Variants in KCNQ1OT1 observed in about 807,000 individuals in gnomAD.
KCNQ1OT1 encodes the protein KCNQ1 opposite strand/antisense transcript 1, also known as KCNQ1 antisense RNA 2 (non-protein coding).
Position 2,642,972 on chromosome 11 carries a change from GCTC to G in KCNQ1OT1, n.57020_57022del, listed in dbSNP as rs1590000376. ...TCCATTTATTTATACAGTTTTGAAT[GCTC>G]CTCTTATTTATTTATAGTTTTATGC... On this transcript the variant is annotated non_coding_transcript_exon_variant, in exon 1 of 1. Transcript: ENST00000597346. This position sits in a 1 kb window ranked among gnomAD's most constrained non-coding sequence, Gnocchi z 4.3. 7.5e-6 allele frequency: 3 copies of G among 397,796 alleles called. No individual in the cohort carries two copies. In the East Asian group the frequency reaches 1.1e-4, roughly 14 times the overall value. 24.6% of individuals were successfully genotyped at this position (397,796 alleles called of 1,614,324 possible).
At chr11:2,680,851 C>G in exon 1 of KCNQ1OT1, 1 of 398,546 alleles carries the variant, frequency 2.5e-6, no homozygotes, top group Non-Finnish European at 4.4e-6. Context: ...TCTTTTCACT[C>G]AGCACAATTC....
Position 2,654,510 on chromosome 11 carries a change from C to G in KCNQ1OT1, n.45485G>C, listed in dbSNP as rs1849807286. The G allele has an allele frequency of 2.5e-6, 1 of 398,594 alleles. No individual in the cohort carries two copies. The highest frequency in any genetic ancestry group is 4.4e-5 in the Admixed American group (1 of 22,710). The allele number at this position is 398,594 out of a possible 1,614,324, so 24.7% of individuals were successfully genotyped here. On this transcript the variant is annotated non_coding_transcript_exon_variant, in exon 1 of 1. Transcript: ENST00000597346. This position sits in a 1 kb window ranked among gnomAD's most constrained non-coding sequence, Gnocchi z 6.4. ...AGGGGAGGGGGCAATCTCCGGAGCC[C>G]TGGAAAGCTTGTGGAAGAGGGCTTG...
exon 1 of KCNQ1OT1, chr11:2,631,918 C>G (rs1024687674): frequency 5.0e-6 from 2 of 397,458 alleles, no homozygotes; most frequent in African/African-American, 4.1e-5. Context: ...CGCAGTGGCT[C>G]ACGCCTGTAA....
exon 1 of KCNQ1OT1, chr11:2,609,713 G>T (rs1332501149): frequency 5.0e-6 from 2 of 398,116 alleles, no homozygotes; most frequent in East Asian, 7.1e-5. Context: ...ATTGTTAGGT[G>T]AATATATGTT....
chr11:2,677,259 TATAAAG>T lies in KCNQ1OT1; in HGVS notation n.22730_22735del. The T allele has an allele frequency of 2.5e-6, 1 of 397,328 alleles. No individual in the cohort carries two copies. The highest frequency in any genetic ancestry group is 4.4e-6 in the Non-Finnish European group (1 of 226,014). 24.6% of individuals were successfully genotyped at this position (397,328 alleles called of 1,614,324 possible). ...AGCACACACAAAGTAAAGAGGAACT[TATAAAG>T]AGGAACTGTAAATCTTGTCAAAATA... On this transcript the variant is annotated non_coding_transcript_exon_variant, in exon 1 of 1. Coordinates refer to ENST00000597346, the Ensembl canonical transcript of KCNQ1OT1. This position sits in a 1 kb window ranked among gnomAD's most constrained non-coding sequence, Gnocchi z 4.5.
chr11:2,685,509 A>T, exon 1 of KCNQ1OT1: 1 of 398,782 alleles, frequency 2.5e-6, no homozygotes, highest in Non-Finnish European at 4.4e-6. Context: ...ACATCCAGAC[A>T]GGAGACGCTA....
exon 1 of KCNQ1OT1, chr11:2,643,878 C>T: frequency 2.5e-6 from 1 of 398,542 alleles, no homozygotes. Flanking sequence ...GTATTCCTGG[C>T]TGGCAGGTTT....
At chr11:2,646,059 C>T (rs1191510753) in exon 1 of KCNQ1OT1, 2 of 398,520 alleles carry the variant, frequency 5.0e-6, no homozygotes, top group Non-Finnish European at 8.8e-6. Flanking sequence ...TCTTCATGAT[C>T]CCAGCCAGTC....
rs952332451 is a variant in KCNQ1OT1, at chr11:2,676,705, G to C, written n.23290C>G. The C allele has an allele frequency of 2.5e-6, 1 of 398,512 alleles. No individual in the cohort carries two copies. Among genetic ancestry groups the C allele is most frequent in the Non-Finnish European group, 4.4e-6 (1 of 226,074 alleles). 24.7% of individuals were successfully genotyped at this position (398,512 alleles called of 1,614,324 possible). ...CACTAACTGGACTACAGCCTGGCAGGAGATAACCAAGTCATATGCATAGTG... is the reference window on the plus strand; with the variant it reads ...CACTAACTGGACTACAGCCTGGCAGCAGATAACCAAGTCATATGCATAGTG... On this transcript the variant is annotated non_coding_transcript_exon_variant, in exon 1 of 1. Transcript: ENST00000597346. This position sits in a 1 kb window ranked among gnomAD's most constrained non-coding sequence, Gnocchi z 4.2.
At chr11:2,667,964 TC>T (rs1356393786) in exon 1 of KCNQ1OT1, 3 of 398,552 alleles carry the variant, frequency 7.5e-6, no homozygotes, top group African/African-American at 6.2e-5. Flanking sequence ...CCAGAAAGCC[TC>T]TCAGGCTCCC....
Position 2,661,615 on chromosome 11 carries a change from C to G in KCNQ1OT1, n.38380G>C, listed in dbSNP as rs763572801. ...CCCTTACCAGGCCTGTGCCTGTCAC[C>G]TCTGTTTTATTCTTGACCCAAGTGT... On this transcript the variant is annotated non_coding_transcript_exon_variant, in exon 1 of 1. Transcript: ENST00000597346. The surrounding 1 kb of genome is among the most constrained non-coding windows in gnomAD (Gnocchi z 5.9). 1 of 583,006 alleles carries G rather than the reference C, an allele frequency of 1.7e-6. No homozygotes were observed. Among genetic ancestry groups the G allele is most frequent in the Non-Finnish European group, 3.1e-6 (1 of 327,366 alleles). The allele number at this position is 583,006 out of a possible 1,614,324, so 36.1% of individuals were successfully genotyped here. A position where few individuals can be genotyped will look rare whatever the true frequency, so the allele number is the denominator to read the frequency against.
chr11:2,648,981 C>CTTTTTTT, exon 1 of KCNQ1OT1: 54 of 213,252 alleles, frequency 2.5e-4, no homozygotes, highest in South Asian at 8.3e-4. Context: ...TTTTCTTTTT[C>CTTTTTTT]TTTTTTTTTT....
At chr11:2,638,861 T>C (rs1160227399) in exon 1 of KCNQ1OT1, 2 of 152,250 alleles carry the variant, frequency 1.3e-5, no homozygotes, top group Non-Finnish European at 2.9e-5. Flanking sequence ...CAGTCAGATG[T>C]AGATTTGGTC....
exon 1 of KCNQ1OT1, chr11:2,692,592 A>G (rs1175856900): frequency 1.5e-5 from 6 of 398,596 alleles, no homozygotes; most frequent in Non-Finnish European, 2.7e-5. Flanking sequence ...ACCCCAGGCT[A>G]GTTCCAGTGG....
At position 2,676,981 on chromosome 11, in the gene KCNQ1OT1, A is replaced by G. The variant is rs115936215; in HGVS notation, n.23014T>C. 267 of 398,616 alleles carry G rather than the reference A, an allele frequency of 6.7e-4. No homozygotes were observed. Among genetic ancestry groups the G allele is most frequent in the African/African-American group, 5.1e-3 (251 of 48,744 alleles). The allele number at this position is 398,616 out of a possible 1,614,324, so 24.7% of individuals were successfully genotyped here. A position where few individuals can be genotyped will look rare whatever the true frequency, so the allele number is the denominator to read the frequency against. ...CATCTAGCAAATCTCCTTTTCATTAACAGCTGCAGAGTTTCATTGTGCCAT... is the reference window on the plus strand; with the variant it reads ...CATCTAGCAAATCTCCTTTTCATTAGCAGCTGCAGAGTTTCATTGTGCCAT... On this transcript the variant is annotated non_coding_transcript_exon_variant, in exon 1 of 1. Transcript: ENST00000597346. This position sits in a 1 kb window ranked among gnomAD's most constrained non-coding sequence, Gnocchi z 4.2.
In KCNQ1OT1 at chr11:2,651,734, C is replaced by T. The variant is rs1310099595; in HGVS notation, n.48261G>A. On this transcript the variant is annotated non_coding_transcript_exon_variant, in exon 1 of 1. Transcript: ENST00000597346. The surrounding 1 kb of genome is among the most constrained non-coding windows in gnomAD (Gnocchi z 6.1). Reference sequence around the variant, plus strand: ...AGTAAGCATCATCCTCATTTCTATACGTTTTCTCTGATTACTGGAAATTCC... The same window carrying T: ...AGTAAGCATCATCCTCATTTCTATATGTTTTCTCTGATTACTGGAAATTCC... 14 of 398,628 alleles carry T rather than the reference C, an allele frequency of 3.5e-5. No homozygotes were observed. Among genetic ancestry groups the T allele is most frequent in the East Asian group, 1.8e-4 (5 of 28,076 alleles). 24.7% of individuals were successfully genotyped at this position (398,628 alleles called of 1,614,324 possible).
rs34219164 is a variant in KCNQ1OT1 at position 2,674,832 on chromosome 11, T to TAAA, written n.25160_25162dup. On this transcript the variant is annotated non_coding_transcript_exon_variant, in exon 1 of 1. Coordinates refer to ENST00000597346, the Ensembl canonical transcript of KCNQ1OT1. This position sits in a 1 kb window ranked among gnomAD's most constrained non-coding sequence, Gnocchi z 5.9. The stretch of plus-strand genomic sequence containing the variant: ...GCTTGTCACCCTAATAGCTGTTTTT[T>TAAA]AAAAAAAAAAAAAAAAAAAAAAAAA... The TAAA allele has an allele frequency of 4.2e-4, 126 of 303,332 alleles. No individual in the cohort carries two copies. Among genetic ancestry groups the TAAA allele is most frequent in the East Asian group, 9.2e-4 (19 of 20,740 alleles). The allele number at this position is 303,332 out of a possible 1,614,324, so 18.8% of individuals were successfully genotyped here. A position where few individuals can be genotyped will look rare whatever the true frequency, so the allele number is the denominator to read the frequency against.
rs376435291 is a variant in KCNQ1OT1 at position 2,639,983 on chromosome 11, C to T, written n.60012G>A. The T allele has an allele frequency of 1.4e-4, 22 of 155,298 alleles. No individual in the cohort carries two copies. In the East Asian group the frequency reaches 2.1e-3, roughly 15 times the overall value. 9.6% of individuals were successfully genotyped at this position (155,298 alleles called of 1,614,324 possible). A position where few individuals can be genotyped will look rare whatever the true frequency, so the allele number is the denominator to read the frequency against. On this transcript the variant is annotated non_coding_transcript_exon_variant, in exon 1 of 1. Coordinates refer to ENST00000597346, the Ensembl canonical transcript of KCNQ1OT1. ...GCTGTGCTAGCAATGAGCGAGGCTC[C>T]ATGGGCGTGGGACCCTCCGAGCCAG...
In KCNQ1OT1 at chr11:2,633,964, CA is replaced by C. The variant is rs1325118883; in HGVS notation, n.66030del. 3.1e-4 allele frequency: 122 copies of C among 398,450 alleles called. No individual in the cohort carries two copies. Among genetic ancestry groups the C allele is most frequent in the African/African-American group, 2.3e-3 (113 of 48,618 alleles). 24.7% of individuals were successfully genotyped at this position (398,450 alleles called of 1,614,324 possible). A position where few individuals can be genotyped will look rare whatever the true frequency, so the allele number is the denominator to read the frequency against. On this transcript the variant is annotated non_coding_transcript_exon_variant, in exon 1 of 1. Transcript: ENST00000597346. ...AAATCCACGTATAAATGAACCTATA[CA>C]GTTCAAATCTATGTTGTTGAAGAGT...
Sources: gnomAD v4.1 joint callset for allele counts on GRCh38, gnomAD v4.1.1 for gene constraint, Gnocchi (gnomAD v3.1) non-coding constraint, MANE v1.5 for transcripts, NCBI Gene and HGNC (gene_info 2026-07-23, HGNC 2026-07-21) for gene names.